Variants in DYNC2H1 observed in about 807,000 individuals in gnomAD.
The protein encoded by DYNC2H1 is dynein cytoplasmic 2 heavy chain 1.
In DYNC2H1, 410 loss-of-function variants were observed where a neutral mutation model predicts 570.0. That is an observed-to-expected ratio of 0.72 (90% CI 0.66 to 0.78). DYNC2H1 has a LOEUF of 0.78. Among genes scored for constraint, DYNC2H1 ranks in the 30% least tolerant of loss-of-function variants. The probability of loss-of-function intolerance (pLI) is 0.00; values close to 1 mark genes in which losing one functional copy is unlikely to be tolerated. For synonymous variants in DYNC2H1, 1,688 were observed against 1,677.6 expected, an observed-to-expected ratio of 1.01 and a Z score of -0.15; for missense variants, 4,865 against 5,046.4, an observed-to-expected ratio of 0.96 and a Z score of 1.09.
At chr11:103,295,343 T>C (rs1419878602) in intron 75 of DYNC2H1, among the ~76,000 whole-genome samples, 1 of 152,176 alleles carries the variant, frequency 6.6e-6, no homozygotes, top group Non-Finnish European at 1.5e-5. Flanking sequence ...AGCTTTCCTG[T>C]ATTAGGCTGA....
At chr11:103,253,783 G>A (rs1029156499) in intron 66 of DYNC2H1, among the ~76,000 whole-genome samples, 9 of 152,100 alleles carry the variant, frequency 5.9e-5, no homozygotes, top group South Asian at 2.1e-4. Context: ...AAATTTAATT[G>A]TGAAAAGTGT....
At chr11:103,397,627 G>A (rs1350216207) in intron 83 of DYNC2H1, among the ~76,000 whole-genome samples, 1 of 152,204 alleles carries the variant, frequency 6.6e-6, no homozygotes, top group African/African-American at 2.4e-5. Flanking sequence ...GGACATGGTG[G>A]CTCATGCCTG....
At chr11:103,132,244 T>C (rs957086688) in intron 13 of DYNC2H1, among the ~76,000 whole-genome samples, 14 of 152,120 alleles carry the variant, frequency 9.2e-5, no homozygotes, top group African/African-American at 3.4e-4. Flanking sequence ...AATGTACTCA[T>C]TGCATCCTCT....
At chr11:103,190,718 A>G (rs1445952213) in intron 45 of DYNC2H1, among the ~76,000 whole-genome samples, 1 of 152,178 alleles carries the variant, frequency 6.6e-6, no homozygotes, top group East Asian at 1.9e-4. Context: ...AATCAAGATC[A>G]GAATAAGAGT....
In DYNC2H1 at chr11:103,462,749, T is replaced by A. The variant is rs1275794096; in HGVS notation, c.12649-5840T>A. Among the ~76,000 whole-genome samples the A allele has an allele frequency of 9.8e-5, 15 of 152,344 alleles. No individual in the cohort carries two copies. The South Asian group carries it at 1.4e-3, about 15-fold the overall frequency. On this transcript the variant is annotated intron_variant, in intron 87 of 88. Coordinates refer to ENST00000375735, the MANE Select transcript of DYNC2H1 (RefSeq NM_001377.3). ...TTCTCTTTAAGTATCATTGTGAGCT[T>A]CTTGTATATCTAATGTTTCAGTAAA...
At chr11:103,116,488 T>A in intron 4 of DYNC2H1, 82 bp from the exon 5 acceptor site, 2 of 1,102,412 alleles carry the variant, frequency 1.8e-6, no homozygotes, top group Non-Finnish European at 2.4e-6. Context: ...TTGTGGCAGT[T>A]GAAAAGGCCT....
intron 73 of DYNC2H1, among the ~76,000 whole-genome samples, chr11:103,283,661 G>A (rs1336829323): frequency 6.6e-6 from 1 of 152,162 alleles, no homozygotes; most frequent in Non-Finnish European, 1.5e-5. Context: ...GGTAGCTATT[G>A]TAATTTTCCT....
In DYNC2H1 at chr11:103,305,122, G is replaced by A. The variant is rs3847575; in HGVS notation, c.11382+402G>A. Among the ~76,000 whole-genome samples the A allele has an allele frequency of 0.17, 26,338 of 152,060 alleles. 2,477 individuals are homozygous for A. Among genetic ancestry groups the A allele is most frequent in the Admixed American group, 0.26 (3,972 of 15,252 alleles). Reference sequence around the variant, plus strand: ...GAGAATAAACTGAAGCAAATGTTTCGTTTATCTCAAATGGACTCAGGAGAA... The same window carrying A: ...GAGAATAAACTGAAGCAAATGTTTCATTTATCTCAAATGGACTCAGGAGAA... On this transcript the variant is annotated intron_variant, in intron 77 of 88. Coordinates refer to ENST00000375735, the MANE Select transcript of DYNC2H1 (RefSeq NM_001377.3). The surrounding 1 kb of genome is among the most constrained non-coding windows in gnomAD (Gnocchi z 4.3).
At chr11:103,153,575 T>C (rs1860673569) in intron 22 of DYNC2H1, 67 bp downstream of exon 22, 1 of 1,330,520 alleles carries the variant, frequency 7.5e-7, no homozygotes, top group Non-Finnish European at 1.0e-6. Flanking sequence ...AAGCTAGTAA[T>C]TTTCTTATGT....
intron 47 of DYNC2H1, among the ~76,000 whole-genome samples, chr11:103,193,574 A>G (rs1862402385): frequency 7.1e-6 from 1 of 141,104 alleles, no homozygotes; most frequent in Non-Finnish European, 1.6e-5. Flanking sequence ...GACGGGTTTC[A>G]TTCTTGTTGC....
chr11:103,469,023 T>G (rs1021568736), intron 88 of DYNC2H1, among the ~76,000 whole-genome samples: 3 of 152,232 alleles, frequency 2.0e-5, no homozygotes, highest in African/African-American at 7.2e-5. Context: ...CAATGTGTGC[T>G]AGGTACTTTA....
intron 31 of DYNC2H1, among the ~76,000 whole-genome samples, chr11:103,166,990 C>CTTTTT (rs34816989): frequency 8.8e-5 from 5 of 56,982 alleles, no homozygotes; most frequent in African/African-American, 2.1e-4. Context: ...GAGGCGCTGC[C>CTTTTT]TTTTTTTTTT....
chr11:103,184,338 T>G (rs1861978988), intron 40 of DYNC2H1, among the ~76,000 whole-genome samples: 1 of 151,960 alleles, frequency 6.6e-6, no homozygotes, highest in Non-Finnish European at 1.5e-5. Context: ...CGTAAATATT[T>G]ATAGAAAGAC....
intron 83 of DYNC2H1, among the ~76,000 whole-genome samples, chr11:103,380,241 G>A (rs1189937607): frequency 2.0e-5 from 3 of 152,116 alleles, no homozygotes; most frequent in Non-Finnish European, 4.4e-5. Flanking sequence ...CACTACCTTT[G>A]TACTGGTCTG....
At chr11:103,383,868 T>C (rs996413629) in intron 83 of DYNC2H1, among the ~76,000 whole-genome samples, 2 of 152,204 alleles carry the variant, frequency 1.3e-5, no homozygotes, top group African/African-American at 4.8e-5. Flanking sequence ...GTTTTCATTA[T>C]TGTTCACTTT....
chr11:103,253,359 A>G lies in DYNC2H1; in HGVS notation c.10117A>G (p.Arg3373Gly). The G allele has an allele frequency of 6.2e-7, 1 of 1,613,562 alleles. No individual in the cohort carries two copies. The highest frequency in any genetic ancestry group is 8.5e-7 in the Non-Finnish European group (1 of 1,179,616). Residue 3373 changes from arginine to glycine, a missense_variant, in exon 66 of 89, where the codon AGA becomes GGA. By Grantham distance (125) the Arg-to-Gly change is moderately radical. This residue lies in a region of DYNC2H1 where 2,401 missense variants were observed against 2,454.6 expected (regional missense o/e 0.98). Coordinates refer to ENST00000375735, the MANE Select transcript of DYNC2H1 (RefSeq NM_001377.3). ...AGAATTCCGCCTCTTTTTGTCAACA[A>G]GAAACCCAAATCCTTTTATTCCACC... ...NEEFRLFLST[R>G]NPNPFIPPDA...
Position 103,474,001 on chromosome 11 carries a change from T to C in DYNC2H1, c.12766-5094T>C, listed in dbSNP as rs999944741. The C allele has an allele frequency of 5.0e-5, 8 of 160,866 alleles. 1 individual carries two copies. In the Middle Eastern group the frequency reaches 1.8e-3, roughly 37 times the overall value. 10.0% of individuals were successfully genotyped at this position (160,866 alleles called of 1,614,324 possible). A position where few individuals can be genotyped will look rare whatever the true frequency, so the allele number is the denominator to read the frequency against. On this transcript the variant is annotated intron_variant, in intron 88 of 88. Coordinates refer to ENST00000375735, the MANE Select transcript of DYNC2H1 (RefSeq NM_001377.3). The stretch of plus-strand genomic sequence containing the variant: ...AAAATATCACATATATCAGAAGATA[T>C]GTGTTGAAAGTTCTGCCTTCTATAC...
In DYNC2H1 at chr11:103,472,323, G is replaced by A. The variant is rs181593789; in HGVS notation, c.12765+3618G>A. 2.1e-3 allele frequency among the ~76,000 whole-genome samples: 325 copies of A among 152,178 alleles called. 5 individuals are homozygous for A. The highest frequency in any genetic ancestry group is 0.012 in the East Asian group (64 of 5,170). ...GAGAATCACTTGAGCCCAGGAGTTAGAGCCTGGCTTGGGCAACATAGCAAG... is the reference window on the plus strand; with the variant it reads ...GAGAATCACTTGAGCCCAGGAGTTAAAGCCTGGCTTGGGCAACATAGCAAG... On this transcript the variant is annotated intron_variant, in intron 88 of 88. Coordinates refer to ENST00000375735, the MANE Select transcript of DYNC2H1 (RefSeq NM_001377.3). This position sits in a 1 kb window ranked among gnomAD's most constrained non-coding sequence, Gnocchi z 4.1.
At chr11:103,270,623 A>G (rs1468085383) in intron 70 of DYNC2H1, among the ~76,000 whole-genome samples, 4 of 151,120 alleles carry the variant, frequency 2.6e-5, no homozygotes, top group Non-Finnish European at 5.9e-5. Flanking sequence ...ATTGTACTCT[A>G]CTCACCCTTC....
Sources: allele counts gnomAD v4.1 joint callset (sites outside exome capture counted in the v4.1 genomes callset), GRCh38; gene constraint gnomAD v4.1.1; regional missense constraint gnomAD v4.1.1; non-coding constraint Gnocchi (gnomAD v3.1); transcripts MANE v1.5; gene names NCBI Gene and HGNC (gene_info 2026-07-23, HGNC 2026-07-21).